AKTIP: variants seen among roughly 807,000 people sequenced by gnomAD.
AKTIP encodes the protein AKT-interacting protein.
A neutral mutation model predicts 39.1 loss-of-function variants in AKTIP; 16 were observed. The ratio of observed to expected loss-of-function variants is 0.41; its 90% CI spans 0.28 to 0.62. The LOEUF (loss-of-function observed/expected upper bound fraction) is 0.62, where lower values mean the gene tolerates loss of function less well. Among genes scored for constraint, AKTIP ranks in the 20% least tolerant of loss-of-function variants. The probability of loss-of-function intolerance (pLI) is 0.32; values close to 1 mark genes in which losing one functional copy is unlikely to be tolerated. For missense variants in AKTIP, 262 were observed against 356.6 expected (o/e 0.73, Z 2.14); for synonymous variants, 93 against 124.3 (o/e 0.75, Z 1.67).
At chr16:53,501,955 A>G (rs1275194864) in intron 1 of AKTIP, among the ~76,000 whole-genome samples, 1 of 152,194 alleles carries the variant, frequency 6.6e-6, no homozygotes, top group Non-Finnish European at 1.5e-5. Context: ...GAAGACACTG[A>G]TTTTCAGATC....
intron 1 of AKTIP, 79 bp downstream of exon 1, chr16:53,503,068 G>C (rs1220519212): frequency 6.6e-6 from 1 of 152,336 alleles, no homozygotes; most frequent in Non-Finnish European, 1.5e-5. Flanking sequence ...CAAATGCCGG[G>C]CCCGTGGAGG....
At chr16:53,502,154 T>G (rs573842428) in intron 1 of AKTIP, among the ~76,000 whole-genome samples, 1 of 152,374 alleles carries the variant, frequency 6.6e-6, no homozygotes, top group East Asian at 1.9e-4. Flanking sequence ...CAGTTCTGCC[T>G]GTCATTAAGC....
Position 53,494,260 on chromosome 16 carries a change from T to C in AKTIP, c.603-15A>G. On this transcript the variant is annotated splice_polypyrimidine_tract_variant and intron_variant, in intron 7 of 9. Transcript: ENST00000394657. ...CTTTTTCATACCTGTGTTAAAAGTT[T>C]AAGTCAAAAAGTTACTAACTTAATC... 1 of 1,613,328 alleles carries C rather than the reference T, an allele frequency of 6.2e-7. No individual in the cohort carries two copies.
At position 53,500,298 on chromosome 16, in the gene AKTIP, T is replaced by C; in HGVS notation, c.-39A>G. On this transcript the variant is annotated 5_prime_UTR_variant, in exon 2 of 10. It removes an upstream start codon present in the reference 5' UTR. Transcript: ENST00000394657. ...AACAAAGAAAGTCAGTGGTGTATCATCCAAATCTTCTGTCTTCGGCATTCA... is the reference window on the plus strand; with the variant it reads ...AACAAAGAAAGTCAGTGGTGTATCACCCAAATCTTCTGTCTTCGGCATTCA... 1 of 1,604,338 alleles carries C rather than the reference T, an allele frequency of 6.2e-7. No homozygotes were observed. The highest frequency in any genetic ancestry group is 1.1e-5 in the South Asian group (1 of 89,098).
At chr16:53,496,499 C>CTTTTTTT in intron 3 of AKTIP, among the ~76,000 whole-genome samples, 1 of 79,026 alleles carries the variant, frequency 1.3e-5, no homozygotes, top group Non-Finnish European at 2.6e-5. Flanking sequence ...GTCAAGGATG[C>CTTTTTTT]TTTTTTTTTT....
rs1961446751 is a variant in AKTIP at position 53,491,429 on chromosome 16, A to T, written c.*983T>A. ...AATCACTATTGTTCCAGCAGTTTTC[A>T]AGTCAAATTAATAATCTTATTAGGG... On this transcript the variant is annotated 3_prime_UTR_variant, in exon 10 of 10. Transcript: ENST00000394657. 1 of 152,424 alleles carries T rather than the reference A, an allele frequency of 6.6e-6. No individual in the cohort carries two copies. Among genetic ancestry groups the T allele is most frequent in the Non-Finnish European group, 1.5e-5 (1 of 68,024 alleles). The allele number at this position is 152,424 out of a possible 1,614,324, so 9.4% of individuals were successfully genotyped here.
rs1322049226 is a variant in AKTIP at position 53,494,179 on chromosome 16, A to G, written c.669T>C (p.Arg223=). The G allele has an allele frequency of 6.2e-7, 1 of 1,614,202 alleles. No individual in the cohort carries two copies. Among genetic ancestry groups the G allele is most frequent in the Admixed American group, 1.7e-5 (1 of 60,036 alleles). ...VVDSVKVCTA[R]LFDQPKIEDP... ...CTTCTATTTTAGGTTGGTCAAACAA[A>G]CGAGCAGTGCACACCTTAACACTGT... The change falls in exon 8 of 10, where the codon CGT becomes CGC. Residue 223 remains arginine (R), a synonymous_variant. Coordinates refer to ENST00000394657, the MANE Select transcript of AKTIP (RefSeq NM_022476.4).
intron 3 of AKTIP, among the ~76,000 whole-genome samples, chr16:53,498,171 G>C (rs1030546543): frequency 3.9e-5 from 6 of 152,220 alleles, no homozygotes; most frequent in African/African-American, 7.2e-5. Context: ...GAATCTTTAA[G>C]AGAGGCTATT....
chr16:53,495,027 C>G (rs1351783874), intron 5 of AKTIP, 46 bp downstream of exon 5: 3 of 1,532,448 alleles, frequency 2.0e-6, no homozygotes, highest in African/African-American at 2.7e-5. Flanking sequence ...CCTTTCAGCC[C>G]TTCTCGCTGA....
At chr16:53,494,058 T>G in intron 8 of AKTIP, 80 bp downstream of exon 8, 2 of 1,135,244 alleles carry the variant, frequency 1.8e-6, no homozygotes, top group Non-Finnish European at 2.7e-6. Flanking sequence ...TTTATATCCC[T>G]ATTCTGAGAC....
intron 1 of AKTIP, among the ~76,000 whole-genome samples, chr16:53,502,536 G>C (rs1056442179): frequency 1.3e-5 from 2 of 151,910 alleles, no homozygotes; most frequent in South Asian, 2.1e-4. Flanking sequence ...TCGGACTTAA[G>C]AAATTACACG....
intron 2 of AKTIP, among the ~76,000 whole-genome samples, chr16:53,499,542 C>A (rs1004320877): frequency 6.6e-6 from 1 of 150,560 alleles, no homozygotes; most frequent in Admixed American, 6.6e-5. Context: ...TGCAAGCAAG[C>A]TTTGCCTCCT....
At position 53,498,667 on chromosome 16, in the gene AKTIP, C is replaced by T. The variant is rs958720736; in HGVS notation, c.43-71G>A. The T allele has an allele frequency of 1.1e-5, 16 of 1,457,096 alleles. No homozygotes were observed. The African/African-American group carries it at 1.3e-4, about 11-fold the overall frequency. 90.3% of individuals were successfully genotyped at this position (1,457,096 alleles called of 1,614,324 possible). ...AATCACAAGAGTACATTATTAGCTC[C>T]ATGGCCTAAATGCTGGAATTACTCC... On this transcript the variant is annotated intron_variant, in intron 2 of 9. Transcript: ENST00000394657.
upstream of AKTIP, among the ~76,000 whole-genome samples, chr16:53,503,403 A>G (rs1962310717): frequency 6.6e-6 from 1 of 152,180 alleles, no homozygotes; most frequent in African/African-American, 2.4e-5. Flanking sequence ...GGCGTTGGGA[A>G]GAACACACTC....
chr16:53,494,103 C>A (rs750576119), intron 8 of AKTIP, 35 bp downstream of exon 8: 6 of 1,472,044 alleles, frequency 4.1e-6, no homozygotes, highest in Non-Finnish European at 5.7e-6. Context: ...TTGGAAAGGA[C>A]AGTGGACAGT....
upstream of AKTIP, among the ~76,000 whole-genome samples, chr16:53,503,975 C>A (rs866200078): frequency 2.0e-3 from 288 of 144,860 alleles, 2 homozygotes; most frequent in African/African-American, 7.0e-3. Flanking sequence ...GGGCCGGGGG[C>A]TGGGGGGAGG....
intron 5 of AKTIP, 21 bp from the exon 6 acceptor site, chr16:53,494,626 A>AC (rs1454117656): frequency 6.2e-7 from 1 of 1,609,354 alleles, no homozygotes; most frequent in Non-Finnish European, 8.5e-7. Context: ...ATAAAGAGAG[A>AC]CATGTCCTTT....
chr16:53,503,299 C>T (rs2051727176), upstream of AKTIP: 1 of 151,168 alleles, frequency 6.6e-6, no homozygotes, highest in Non-Finnish European at 1.5e-5. Flanking sequence ...GCGGGCTCCG[C>T]CCCCTGCTGC....
rs1961430908 is a variant in AKTIP, at chr16:53,491,256, A to G, written c.*1156T>C. The G allele has an allele frequency of 6.6e-6, 1 of 152,200 alleles. No individual in the cohort carries two copies. Among genetic ancestry groups the G allele is most frequent in the Non-Finnish European group, 1.5e-5 (1 of 68,036 alleles). The allele number at this position is 152,200 out of a possible 1,614,324, so 9.4% of individuals were successfully genotyped here. A position where few individuals can be genotyped will look rare whatever the true frequency, so the allele number is the denominator to read the frequency against. ...AGTTATCTAAAAGAAATGTCTATTA[A>G]GGTGATATATTTAAAAATATTTTTG... On this transcript the variant is annotated 3_prime_UTR_variant, in exon 10 of 10. Transcript: ENST00000394657.
Sources: allele counts gnomAD v4.1 joint callset (sites outside exome capture counted in the v4.1 genomes callset), GRCh38; gene constraint gnomAD v4.1.1; transcripts MANE v1.5; gene names NCBI Gene and HGNC (gene_info 2026-07-23, HGNC 2026-07-21).